SNX9: variants seen among roughly 807,000 people sequenced by gnomAD.
SNX9 encodes the protein sorting nexin-9.
A neutral mutation model predicts 89.4 loss-of-function variants in SNX9; 44 were observed. The ratio of observed to expected loss-of-function variants is 0.49; its 90% confidence interval spans 0.39 to 0.63. The LOEUF is 0.63. Among genes scored for constraint, SNX9 ranks in the 30% least tolerant of loss-of-function variants. The pLI, the probability that SNX9 is intolerant of heterozygous loss-of-function variation, is 0.00. For missense variants in SNX9, 578 were observed against 736.1 expected, an observed-to-expected ratio of 0.79 and a Z score of 2.49; for synonymous variants, 236 against 247.8, an observed-to-expected ratio of 0.95 and a Z score of 0.45.
chr6:157,937,622 G>T (rs1783952865), intron 15 of SNX9, 99 bp downstream of exon 15: 2 of 820,172 alleles, frequency 2.4e-6, no homozygotes, highest in African/African-American at 1.8e-5. Flanking sequence ...TATTAAAAAA[G>T]AAACAATCTA....
At chr6:157,837,731 A>G (rs936020632) in intron 1 of SNX9, among the ~76,000 whole-genome samples, 1 of 152,238 alleles carries the variant, frequency 6.6e-6, no homozygotes, top group Non-Finnish European at 1.5e-5. Context: ...AGGCATGGGC[A>G]TGCTGTCTGT....
chr6:157,865,473 C>A (rs1782242608), intron 1 of SNX9, among the ~76,000 whole-genome samples: 1 of 152,036 alleles, frequency 6.6e-6, no homozygotes. Flanking sequence ...GTCCTGCTGG[C>A]CTGGGCGCCC....
chr6:157,940,097 G>C (rs7742187), intron 16 of SNX9, among the ~76,000 whole-genome samples: 1 of 152,162 alleles, frequency 6.6e-6, no homozygotes, highest in Non-Finnish European at 1.5e-5. Context: ...GGGGCAGCAA[G>C]GCTTCCCGTA....
At chr6:157,892,191 C>T (rs775175035) in intron 4 of SNX9, among the ~76,000 whole-genome samples, 2 of 152,076 alleles carry the variant, frequency 1.3e-5, no homozygotes, top group Non-Finnish European at 2.9e-5. Flanking sequence ...TAGGTTTTAC[C>T]GTGACGAGGT....
At chr6:157,918,004 A>T (rs182900433) in intron 9 of SNX9, among the ~76,000 whole-genome samples, 6 of 152,202 alleles carry the variant, frequency 3.9e-5, no homozygotes, top group Admixed American at 3.9e-4. Flanking sequence ...TAGTCCTCTT[A>T]CATTTATTGA....
intron 2 of SNX9, among the ~76,000 whole-genome samples, chr6:157,871,857 A>ACCTCTGCCT (rs1020561038): frequency 1.3e-5 from 2 of 148,316 alleles, no homozygotes; most frequent in African/African-American, 5.0e-5. Flanking sequence ...GCTCACTGTA[A>ACCTCTGCCT]CCTCTGCCTT....
At chr6:157,890,840 T>A (rs187062639) in intron 4 of SNX9, among the ~76,000 whole-genome samples, 123 of 152,244 alleles carry the variant, frequency 8.1e-4, no homozygotes, top group Admixed American at 2.3e-3. Context: ...TAAACGAATT[T>A]CATAGTGAAT....
chr6:157,928,711 A>G lies in SNX9; in HGVS notation c.1288+9A>G, dbSNP rs1181971599. 12 of 1,579,662 alleles carry G rather than the reference A, an allele frequency of 7.6e-6. No individual in the cohort carries two copies. The highest frequency in any genetic ancestry group is 8.6e-6 in the Non-Finnish European group (10 of 1,163,642). On this transcript the variant is annotated intron_variant, in intron 12 of 17. Coordinates refer to ENST00000392185, the MANE Select transcript of SNX9 (RefSeq NM_016224.5). The stretch of plus-strand genomic sequence containing the variant: ...GAAGCGCTGCACGGGCCGTAAGTCC[A>G]CTCCTCACAGTGCACTGGGCTCGTA...
chr6:157,933,803 G>C (rs1206074166), intron 13 of SNX9, among the ~76,000 whole-genome samples: 2 of 152,220 alleles, frequency 1.3e-5, no homozygotes, highest in Non-Finnish European at 2.9e-5. Flanking sequence ...GCATCCATGG[G>C]TTCCCCACTG....
chr6:157,868,970 A>G (rs567638522), intron 2 of SNX9, among the ~76,000 whole-genome samples: 36 of 152,252 alleles, frequency 2.4e-4, no homozygotes, highest in African/African-American at 8.7e-4. Flanking sequence ...CGTGACCGTC[A>G]CTCATACTTA....
chr6:157,884,496 A>G (rs1251061832), intron 4 of SNX9, among the ~76,000 whole-genome samples: 1 of 152,204 alleles, frequency 6.6e-6, no homozygotes, highest in Non-Finnish European at 1.5e-5. Flanking sequence ...TAACTCACAT[A>G]AGTCTTATAA....
intron 1 of SNX9, among the ~76,000 whole-genome samples, chr6:157,856,672 C>T (rs763103407): frequency 6.6e-6 from 1 of 152,166 alleles, no homozygotes; most frequent in African/African-American, 2.4e-5. Flanking sequence ...CCCTTATCCC[C>T]TACTTGTTTT....
rs1343873926 is a variant in SNX9 at position 157,849,523 on chromosome 6, G to A, written c.13-18024G>A. Among the ~76,000 whole-genome samples, 3 of 152,216 alleles carry A rather than the reference G, an allele frequency of 2.0e-5. No individual in the cohort carries two copies. The East Asian group carries it at 5.8e-4, about 29-fold the overall frequency. On this transcript the variant is annotated intron_variant, in intron 1 of 17. Coordinates refer to ENST00000392185, the MANE Select transcript of SNX9 (RefSeq NM_016224.5). ...TGGCGCTGCAGGCGGAAGATGAATT[G>A]GAGCAAGGCGCAGCAGGTGTGCAGA...
intron 2 of SNX9, 104 bp from the exon 3 acceptor site, chr6:157,872,998 G>A: frequency 3.9e-6 from 3 of 761,078 alleles, no homozygotes; most frequent in Non-Finnish European, 5.8e-6. Context: ...AAAGCTTAAT[G>A]TTAATTGCTT....
rs9347698 is a variant in SNX9, at chr6:157,849,711, A to G, written c.13-17836A>G. 4.6e-5 allele frequency among the ~76,000 whole-genome samples: 7 copies of G among 152,290 alleles called. No individual in the cohort carries two copies. In the East Asian group the frequency reaches 1.3e-3, roughly 29 times the overall value. ...GAAAGGAATGAGAGGAGGAGTCAAG[A>G]GTACCTTTCAGTTTCTTTTTGGGTG... On this transcript the variant is annotated intron_variant, in intron 1 of 17. Transcript: ENST00000392185.
chr6:157,909,522 C>T (rs1783293362), intron 7 of SNX9, 143 bp from the exon 8 acceptor site: 2 of 951,650 alleles, frequency 2.1e-6, no homozygotes, highest in African/African-American at 1.7e-5. Context: ...ACCATTGAAC[C>T]ATTTATGTAC....
At position 157,908,086 on chromosome 6, in the gene SNX9, C is replaced by T. The variant is rs551664486; in HGVS notation, c.706-1579C>T. On this transcript the variant is annotated intron_variant, in intron 7 of 17. Coordinates refer to ENST00000392185, the MANE Select transcript of SNX9 (RefSeq NM_016224.5). ...TATCCCAATCCGCTTTTCCCATCTTCCTCTTAAAAAAAAAAATTAGGACTG... is the reference window on the plus strand; with the variant it reads ...TATCCCAATCCGCTTTTCCCATCTTTCTCTTAAAAAAAAAAATTAGGACTG... Among the ~76,000 whole-genome samples, 11 of 152,014 alleles carry T rather than the reference C, an allele frequency of 7.2e-5. No individual in the cohort carries two copies. In the South Asian group the frequency reaches 2.3e-3, roughly 32 times the overall value.
At chr6:157,933,385 A>G (rs1337206889) in intron 13 of SNX9, among the ~76,000 whole-genome samples, 3 of 152,236 alleles carry the variant, frequency 2.0e-5, no homozygotes, top group Non-Finnish European at 4.4e-5. Context: ...GAATTGGTAC[A>G]GGTGTTGATC....
chr6:157,832,818 C>T (rs746064633), intron 1 of SNX9, among the ~76,000 whole-genome samples: 2 of 152,208 alleles, frequency 1.3e-5, no homozygotes, highest in African/African-American at 2.4e-5. Flanking sequence ...ATGGGAACTA[C>T]AATTCAAGAT....
Sources: gnomAD v4.1 joint callset for allele counts (sites outside exome capture counted in the v4.1 genomes callset) on GRCh38, gnomAD v4.1.1 for gene constraint, MANE v1.5 for transcripts, NCBI Gene and HGNC (gene_info 2026-07-23, HGNC 2026-07-21) for gene names.